PLXNC1: variants seen among roughly 807,000 people sequenced by gnomAD.
PLXNC1 encodes the protein plexin-C1.
Under a neutral mutation model 178.2 loss-of-function variants are expected in PLXNC1, and 75 were observed. The observed-to-expected ratio is 0.42, with a 90% CI of 0.35 to 0.51. PLXNC1 has a LOEUF of 0.51. Among genes scored for constraint, PLXNC1 ranks in the 20% least tolerant of loss-of-function variants. PLXNC1 has a pLI of 0.02. For synonymous variants in PLXNC1, 790 were observed against 779.9 expected (o/e 1.01, Z -0.22); for missense variants, 1,503 against 1,984.4 (o/e 0.76, Z 4.61).
chr12:94,158,817 C>G (rs900420585), intron 1 of PLXNC1, among the ~76,000 whole-genome samples: 3 of 152,112 alleles, frequency 2.0e-5, no homozygotes. Flanking sequence ...GACCAATTAC[C>G]AAGCGCTGGG....
chr12:94,212,880 C>T (rs12367783), intron 5 of PLXNC1, among the ~76,000 whole-genome samples: 4,998 of 144,498 alleles, frequency 0.035, 108 homozygotes, highest in Non-Finnish European at 0.052. Context: ...CCACTACACC[C>T]GGCTAATTTT....
chr12:94,186,605 G>A, intron 4 of PLXNC1, 132 bp downstream of exon 4: 1 of 646,946 alleles, frequency 1.5e-6, no homozygotes, highest in Non-Finnish European at 2.8e-6. Flanking sequence ...CTAAAATCTT[G>A]TTGTGCAATC....
chr12:94,218,116 T>C (rs1341343032), intron 5 of PLXNC1, among the ~76,000 whole-genome samples: 1 of 152,216 alleles, frequency 6.6e-6, no homozygotes, highest in Non-Finnish European at 1.5e-5. Flanking sequence ...CGGATATAAA[T>C]GCTGCGTTGA....
chr12:94,189,386 A>G (rs1431272335), intron 4 of PLXNC1, among the ~76,000 whole-genome samples: 1 of 152,096 alleles, frequency 6.6e-6, no homozygotes, highest in Non-Finnish European at 1.5e-5. Flanking sequence ...GTTGAGTTTA[A>G]AGATTGTTAG....
intron 12 of PLXNC1, among the ~76,000 whole-genome samples, chr12:94,246,441 G>C (rs1964532457): frequency 6.6e-6 from 1 of 152,186 alleles, no homozygotes; most frequent in South Asian, 2.1e-4. Flanking sequence ...GACATCATGG[G>C]AGTGAGAGCA....
At chr12:94,154,398 G>A (rs974033712) in intron 1 of PLXNC1, among the ~76,000 whole-genome samples, 2 of 152,186 alleles carry the variant, frequency 1.3e-5, no homozygotes, top group African/African-American at 4.8e-5. Context: ...GGTGATGATA[G>A]TAAAGACATC....
intron 21 of PLXNC1, among the ~76,000 whole-genome samples, chr12:94,276,117 T>G (rs1333506597): frequency 6.6e-6 from 1 of 152,212 alleles, no homozygotes; most frequent in East Asian, 1.9e-4. Context: ...AAAAAAGTGT[T>G]TTTGTTAAAG....
intron 1 of PLXNC1, among the ~76,000 whole-genome samples, chr12:94,159,021 G>A (rs1961278102): frequency 6.6e-6 from 1 of 152,192 alleles, no homozygotes; most frequent in Non-Finnish European, 1.5e-5. Flanking sequence ...TTACTCAGAA[G>A]ATAAAGTGGC....
At chr12:94,180,461 C>A (rs948425281) in intron 2 of PLXNC1, among the ~76,000 whole-genome samples, 1 of 152,060 alleles carries the variant, frequency 6.6e-6, no homozygotes, top group Non-Finnish European at 1.5e-5. Context: ...TGTTACTCAC[C>A]CCACCATACA....
chr12:94,227,651 T>C (rs560321652), intron 9 of PLXNC1, among the ~76,000 whole-genome samples: 35 of 152,330 alleles, frequency 2.3e-4, no homozygotes, highest in African/African-American at 8.4e-4. Flanking sequence ...TTGTTTTTTT[T>C]CAACTTTGTA....
chr12:94,264,107 C>T (rs1035783925), intron 20 of PLXNC1, among the ~76,000 whole-genome samples: 4 of 152,100 alleles, frequency 2.6e-5, no homozygotes, highest in African/African-American at 9.7e-5. Context: ...GTTCTTCCTC[C>T]ACCACAGAGG....
chr12:94,263,769 C>T (rs76092408), intron 20 of PLXNC1, among the ~76,000 whole-genome samples: 2,610 of 152,258 alleles, frequency 0.017, 68 homozygotes, highest in African/African-American at 0.06. Context: ...TTCTGCCCTG[C>T]ACTGAAGAGG....
intron 4 of PLXNC1, among the ~76,000 whole-genome samples, chr12:94,197,612 A>G (rs1008465752): frequency 2.6e-5 from 4 of 152,160 alleles, no homozygotes; most frequent in Non-Finnish European, 4.4e-5. Flanking sequence ...CCCAGTTAGT[A>G]GTATTCTGTA....
At chr12:94,264,090 A>G (rs1445761435) in intron 20 of PLXNC1, among the ~76,000 whole-genome samples, 1 of 152,048 alleles carries the variant, frequency 6.6e-6, no homozygotes. Context: ...TTGACTTCCC[A>G]GCCACGGTTC....
intron 5 of PLXNC1, among the ~76,000 whole-genome samples, chr12:94,211,525 T>A (rs1361372574): frequency 6.7e-6 from 1 of 148,550 alleles, no homozygotes; most frequent in Admixed American, 6.7e-5. Flanking sequence ...TGTGTTCAGT[T>A]CCACCTATTA....
intron 9 of PLXNC1, among the ~76,000 whole-genome samples, 170 bp from the exon 10 acceptor site, chr12:94,237,494 G>C (rs78373738): frequency 6.6e-6 from 1 of 152,166 alleles, no homozygotes; most frequent in Non-Finnish European, 1.5e-5. Flanking sequence ...ACATGAATCT[G>C]CAGCCCTCTT....
chr12:94,163,207 T>A (rs1016023123), intron 1 of PLXNC1, among the ~76,000 whole-genome samples: 1 of 151,886 alleles, frequency 6.6e-6, no homozygotes, highest in African/African-American at 2.4e-5. Flanking sequence ...CTACTAAAAA[T>A]ACAATAATTA....
At chr12:94,182,318 T>G (rs934064698) in intron 3 of PLXNC1, among the ~76,000 whole-genome samples, 6 of 147,878 alleles carry the variant, frequency 4.1e-5, no homozygotes, top group African/African-American at 1.5e-4. Flanking sequence ...TTTGGGAGGC[T>G]GAGGCAGGAG....
chr12:94,303,163 C>T (rs1436156343), intron 28 of PLXNC1, among the ~76,000 whole-genome samples: 2 of 152,068 alleles, frequency 1.3e-5, no homozygotes, highest in African/African-American at 4.8e-5. Context: ...ATTCAAATTG[C>T]CAGAGAACCT....
Sources: allele counts gnomAD v4.1 joint callset (sites outside exome capture counted in the v4.1 genomes callset), GRCh38; gene constraint gnomAD v4.1.1; transcripts MANE v1.5; gene names NCBI Gene and HGNC (gene_info 2026-07-23, HGNC 2026-07-21).